Variants in RAD54L observed in about 807,000 individuals in gnomAD.
RAD54L encodes the protein DNA repair and recombination protein RAD54-like.
In RAD54L, 74 loss-of-function variants were observed where a neutral mutation model predicts 91.6. The ratio of observed to expected loss-of-function variants is 0.81; its 90% confidence interval spans 0.67 to 0.98. The LOEUF is 0.98. Among genes scored for constraint, RAD54L ranks in the 50% least tolerant of loss-of-function variants. The pLI is 0.00. For missense variants in RAD54L, 887 were observed against 945.7 expected (o/e 0.94, Z 0.81); for synonymous variants, 304 against 349.7 (o/e 0.87, Z 1.46).
intron 15 of RAD54L, 58 bp from the exon 16 acceptor site, chr1:46,274,480 G>C: frequency 6.3e-7 from 1 of 1,580,168 alleles, no homozygotes; most frequent in Non-Finnish European, 8.7e-7. Context: ...GTTGGGCTGA[G>C]CAGGATCCCA....
chr1:46,247,828 C>T lies in RAD54L; in HGVS notation c.-578C>T, dbSNP rs1659685857. The T allele has an allele frequency of 5.0e-6, 1 of 200,370 alleles. No individual in the cohort carries two copies. The highest frequency in any genetic ancestry group is 5.3e-5 in the Admixed American group (1 of 18,848). The allele number at this position is 200,370 out of a possible 1,614,324, so 12.4% of individuals were successfully genotyped here. Reference sequence around the variant, plus strand: ...TGCTGGGGTCTGCGTCTATCTCTGTCGCTCTTTTCAGCCCCTCCTGGTATT... The same window carrying T: ...TGCTGGGGTCTGCGTCTATCTCTGTTGCTCTTTTCAGCCCCTCCTGGTATT... On this transcript the variant is annotated 5_prime_UTR_variant, in exon 1 of 18. Coordinates refer to ENST00000371975, the MANE Select transcript of RAD54L (RefSeq NM_003579.4).
At chr1:46,272,094 A>T (rs192768857) in intron 10 of RAD54L, among the ~76,000 whole-genome samples, 1 of 118,886 alleles carries the variant, frequency 8.4e-6, no homozygotes, top group East Asian at 2.6e-4. Flanking sequence ...CCAAGCTGGA[A>T]TGCAATGGGG....
intron 8 of RAD54L, among the ~76,000 whole-genome samples, chr1:46,264,797 C>G (rs1320651138): frequency 6.6e-6 from 1 of 152,212 alleles, no homozygotes; most frequent in African/African-American, 2.4e-5. Flanking sequence ...CTATCCCTCT[C>G]TGCCTTGGAT....
At position 46,265,997 on chromosome 1, in the gene RAD54L, G is replaced by A. The variant is rs535138506; in HGVS notation, c.892-1462G>A. ...GTACCATGCCTACCACATTAAACGG[G>A]TTCACTAAATAGTAGCAGCCATTAC... On this transcript the variant is annotated intron_variant, in intron 8 of 17. Coordinates refer to ENST00000371975, the MANE Select transcript of RAD54L (RefSeq NM_003579.4). The surrounding 1 kb of genome is among the most constrained non-coding windows in gnomAD (Gnocchi z 4.8). 6.6e-6 allele frequency among the ~76,000 whole-genome samples: 1 copy of A among 152,178 alleles called. No individual in the cohort carries two copies. Among genetic ancestry groups the A allele is most frequent in the Non-Finnish European group, 1.5e-5 (1 of 68,048 alleles).
At position 46,248,710 on chromosome 1, in the gene RAD54L, C is replaced by T; in HGVS notation, c.90+112C>T. On this transcript the variant is annotated intron_variant, in intron 2 of 17. Coordinates refer to ENST00000371975, the MANE Select transcript of RAD54L (RefSeq NM_003579.4). The stretch of plus-strand genomic sequence containing the variant: ...ATTCCAGATGCCTCTTTTGTATGTT[C>T]AATAAACTTTTAGTGAGTACTTACT... 4 of 929,312 alleles carry T rather than the reference C, an allele frequency of 4.3e-6. No homozygotes were observed. The East Asian group carries it at 7.8e-5, about 18-fold the overall frequency. The allele number at this position is 929,312 out of a possible 1,614,324, so 57.6% of individuals were successfully genotyped here.
At chr1:46,262,653 T>A (rs980399635) in intron 8 of RAD54L, among the ~76,000 whole-genome samples, 1 of 152,036 alleles carries the variant, frequency 6.6e-6, no homozygotes, top group Non-Finnish European at 1.5e-5. Flanking sequence ...CTTTGTCCCC[T>A]GCTTGTAAAG....
At chr1:46,275,633 G>A (rs530066624) in intron 16 of RAD54L, among the ~76,000 whole-genome samples, 2 of 152,182 alleles carry the variant, frequency 1.3e-5, no homozygotes, top group East Asian at 3.9e-4. Context: ...TTTGAGGTGG[G>A]CCATATCTCA....
chr1:46,278,040 G>C (rs757133196), intron 17 of RAD54L, 32 bp from the exon 18 acceptor site: 2 of 1,614,110 alleles, frequency 1.2e-6, no homozygotes, highest in South Asian at 2.2e-5. Context: ...GATGGGATCT[G>C]TAGTGACTTC....
rs758044000 is a variant in RAD54L, at chr1:46,267,543, A to C, written c.976A>C (p.Thr326Pro). 13 of 1,613,388 alleles carry C rather than the reference A, an allele frequency of 8.1e-6. No individual in the cohort carries two copies. The highest frequency in any genetic ancestry group is 1.0e-5 in the Non-Finnish European group (12 of 1,179,634). ...NTSRRVLISG[T>P]PIQNDLLEYF... Reference sequence around the variant, plus strand: ...CAGCCGGCGGGTGCTCATCTCCGGAACTCCCATCCAGAATGATCTGCTTGA... The same window carrying C: ...CAGCCGGCGGGTGCTCATCTCCGGACCTCCCATCCAGAATGATCTGCTTGA... The change falls in exon 9 of 18, where the codon ACT becomes CCT. Residue 326 changes from threonine to proline, a missense_variant. Physicochemically the swap from Thr to Pro is conservative, Grantham distance 38 (BLOSUM62 -1). Transcript: ENST00000371975.
chr1:46,256,328 C>G (rs1659939714), intron 3 of RAD54L, among the ~76,000 whole-genome samples: 1 of 152,182 alleles, frequency 6.6e-6, no homozygotes, highest in African/African-American at 2.4e-5. Context: ...GTCCTCCCAC[C>G]TCAGCCTCCC....
Position 46,278,101 on chromosome 1 carries a change from G to T in RAD54L, c.2063G>T (p.Arg688Leu). The T allele has an allele frequency of 6.2e-7, 1 of 1,613,964 alleles. No homozygotes were observed. Among genetic ancestry groups the T allele is most frequent in the South Asian group, 1.1e-5 (1 of 91,020 alleles). ...RLHCRRCVNSRQIRPPPDGSD... is the reference protein window; with the variant it reads ...RLHCRRCVNSLQIRPPPDGSD... ...CACTGCCGACGTTGTGTCAACAGCC[G>T]TCAGATCCGGCCACCCCCTGATGGT... Residue 688 changes from arginine (R) to leucine (L), a missense_variant, in exon 18 of 18, where the codon CGT becomes CTT. Arg to Leu is a moderately radical substitution (Grantham distance 102). Coordinates refer to ENST00000371975, the MANE Select transcript of RAD54L (RefSeq NM_003579.4).
chr1:46,264,058 A>G (rs1660202809), intron 8 of RAD54L, among the ~76,000 whole-genome samples: 1 of 152,154 alleles, frequency 6.6e-6, no homozygotes, highest in African/African-American at 2.4e-5. Flanking sequence ...GGCCTCCCAA[A>G]GTGCTGGGAT....
At chr1:46,253,543 A>C (rs1659858093) in intron 3 of RAD54L, among the ~76,000 whole-genome samples, 1 of 151,554 alleles carries the variant, frequency 6.6e-6, no homozygotes, top group Non-Finnish European at 1.5e-5. Flanking sequence ...TGAACCCGGG[A>C]GGTGGAGCTT....
At chr1:46,261,182 G>A (rs1042953969) in intron 7 of RAD54L, 79 bp from the exon 8 acceptor site, 1 of 1,580,722 alleles carries the variant, frequency 6.3e-7, no homozygotes. Flanking sequence ...CTAAATTAAA[G>A]AACTGTCTAA....
Position 46,267,520 on chromosome 1 carries a change from G to C in RAD54L, c.953G>C (p.Ser318Thr). 1.2e-6 allele frequency: 2 copies of C among 1,614,126 alleles called. No homozygotes were observed. Among genetic ancestry groups the C allele is most frequent in the Non-Finnish European group, 1.7e-6 (2 of 1,180,006 alleles). ...TYQALDSLNT[S>T]RRVLISGTPI... ...CAAGCCCTGGACAGCTTGAACACCA[G>C]CCGGCGGGTGCTCATCTCCGGAACT... Residue 318 changes from serine to threonine, a missense_variant, in exon 9 of 18, where the codon AGC (serine) becomes ACC (threonine). Transcript: ENST00000371975.
chr1:46,263,992 T>C lies in RAD54L; in HGVS notation c.891+2607T>C, dbSNP rs528812751. ...TTGTATTTTTAGTAGAGATGGGGTT[T>C]CACCATGTTGGCCAGGCTAGTCTCG... is the stretch of plus-strand genomic sequence containing the variant. On this transcript the variant is annotated intron_variant, in intron 8 of 17. Coordinates refer to ENST00000371975, the MANE Select transcript of RAD54L (RefSeq NM_003579.4). The surrounding 1 kb of genome is among the most constrained non-coding windows in gnomAD (Gnocchi z 4.3). Among the ~76,000 whole-genome samples the C allele has an allele frequency of 3.3e-5, 5 of 152,288 alleles. No homozygotes were observed. In the East Asian group the frequency reaches 9.6e-4, roughly 29 times the overall value.
intron 2 of RAD54L, among the ~76,000 whole-genome samples, chr1:46,249,166 T>C (rs1571709267): frequency 2.0e-5 from 3 of 152,246 alleles, no homozygotes; most frequent in South Asian, 4.1e-4. Flanking sequence ...CTTCAGAGAA[T>C]AAGAGCAGTT....
At chr1:46,251,235 C>T (rs970994263) in intron 3 of RAD54L, among the ~76,000 whole-genome samples, 3 of 151,756 alleles carry the variant, frequency 2.0e-5, no homozygotes, top group African/African-American at 7.3e-5. Flanking sequence ...TCACTTGAAC[C>T]CGGGAGGCAG....
chr1:46,261,403 G>A lies in RAD54L; in HGVS notation c.891+18G>A. ...GTGACGAGGTACTTGACTCTCAGCA[G>A]TCTGGGTGGTAGGAGAAAATCTGTC... On this transcript the variant is annotated intron_variant, in intron 8 of 17. Coordinates refer to ENST00000371975, the MANE Select transcript of RAD54L (RefSeq NM_003579.4). The A allele has an allele frequency of 6.2e-7, 1 of 1,614,040 alleles. No individual in the cohort carries two copies. Among genetic ancestry groups the A allele is most frequent in the Non-Finnish European group, 8.5e-7 (1 of 1,179,960 alleles).
Sources: gnomAD v4.1 joint callset for allele counts (sites outside exome capture counted in the v4.1 genomes callset) on GRCh38, gnomAD v4.1.1 for gene constraint, Gnocchi (gnomAD v3.1) non-coding constraint, MANE v1.5 for transcripts, NCBI Gene and HGNC (gene_info 2026-07-23, HGNC 2026-07-21) for gene names.